OR3A2: variants seen among roughly 807,000 people sequenced by gnomAD.
OR3A2 encodes olfactory receptor family 3 subfamily A member 2, also known as olfactory receptor 3A2.
For synonymous variants in OR3A2, 126 were observed against 159.3 expected (o/e 0.79, Z 1.57); for missense variants, 318 against 392.8 (o/e 0.81, Z 1.61).
At chr17:3,386,249 T>C (rs904580683) in exon 1 of OR3A2, 2 of 398,594 alleles carry the variant, frequency 5.0e-6, no homozygotes, top group East Asian at 3.6e-5. Flanking sequence ...TTCGTGGCTC[T>C]GGGCATCACC....
At chr17:3,332,088 G>A (rs532693641) in intron 3 of OR3A2, among the ~76,000 whole-genome samples, 2 of 152,278 alleles carry the variant, frequency 1.3e-5, no homozygotes, top group Admixed American at 1.3e-4. Flanking sequence ...ATCTCCAGCT[G>A]TGTGCTGGGA....
At position 3,311,696 on chromosome 17, in the gene OR3A2, G is replaced by T; in HGVS notation, c.-85+24337C>A. ...TTACAAATCCGCTCAGCTGAGGGGA[G>T]GAAGAAGGCTTTCTCCACATGTGGC... On this transcript the variant is annotated intron_variant, in intron 3 of 4. Transcript: ENST00000573491. The surrounding 1 kb of genome is among the most constrained non-coding windows in gnomAD (Gnocchi z 4.6). The T allele has an allele frequency of 7.3e-6, 2 of 273,334 alleles. No homozygotes were observed. The highest frequency in any genetic ancestry group is 1.5e-5 in the Non-Finnish European group (2 of 132,596). 16.9% of individuals were successfully genotyped at this position (273,334 alleles called of 1,614,324 possible).
In OR3A2 at chr17:3,278,209, G is replaced by A. The variant is rs1261902679; in HGVS notation, c.709C>T (p.Arg237Ter). The A allele has an allele frequency of 6.2e-6, 10 of 1,614,084 alleles. No homozygotes were observed. The highest frequency in any genetic ancestry group is 1.3e-5 in the African/African-American group (1 of 74,924). The stretch of plus-strand genomic sequence containing the variant: ...CCACACGTGGAGAAGGCCTTCTTTC[G>A]GCCCTCCACTGAACGGATTCGTAGA... The change falls in exon 2 of 2, where the codon CGA (arginine) becomes TGA (stop). Residue 237 changes from arginine to a stop codon, truncating the protein, a stop_gained. Transcript: ENST00000642052. LOFTEE classifies it low-confidence loss of function (END_TRUNC).
At chr17:3,377,603 G>A (rs771758103) in intron 2 of OR3A2, 31 of 152,200 alleles carry the variant, frequency 2.0e-4, no homozygotes, top group African/African-American at 6.3e-4. Flanking sequence ...CGTACAGCAC[G>A]GGGGCTGCTG....
intron 2 of OR3A2, among the ~76,000 whole-genome samples, chr17:3,348,788 C>T (rs1211299786): frequency 1.3e-5 from 2 of 152,074 alleles, no homozygotes; most frequent in Non-Finnish European, 2.9e-5. Context: ...AGAGAAAGGT[C>T]GGGTTACCCA....
chr17:3,326,407 T>G (rs2150638897), intron 3 of OR3A2, among the ~76,000 whole-genome samples: 1 of 152,128 alleles, frequency 6.6e-6, no homozygotes, highest in East Asian at 1.9e-4. Context: ...GCAAAGATTG[T>G]TGCGGGAAGT....
chr17:3,285,623 C>CA (rs1305213684), upstream of OR3A2, among the ~76,000 whole-genome samples: 2 of 152,064 alleles, frequency 1.3e-5, no homozygotes, highest in African/African-American at 4.8e-5. Context: ...CCCATCTCTA[C>CA]AAAAAATAAC....
chr17:3,313,244 T>C (rs2049058571), intron 3 of OR3A2, among the ~76,000 whole-genome samples: 1 of 152,220 alleles, frequency 6.6e-6, no homozygotes, highest in Non-Finnish European at 1.5e-5. Context: ...TTGTCCGACA[T>C]GCTTATTATT....
At chr17:3,345,696 G>T (rs761074013) in intron 2 of OR3A2, among the ~76,000 whole-genome samples, 4 of 151,938 alleles carry the variant, frequency 2.6e-5, no homozygotes, top group African/African-American at 9.7e-5. Flanking sequence ...GATAATAGGA[G>T]ATAAATGAAT....
chr17:3,340,603 T>C lies in OR3A2; in HGVS notation c.-178-4477A>G, dbSNP rs2049308329. On this transcript the variant is annotated intron_variant, in intron 2 of 4. Coordinates refer to the OR3A2 transcript ENST00000573491. ...TTGAGTGAGTTTCTTAATCTTGAAT[T>C]CTAATTTGATTGCACTGTGGTCAGA... 5.5e-5 allele frequency among the ~76,000 whole-genome samples: 8 copies of C among 145,174 alleles called. No individual in the cohort carries two copies. The South Asian group carries it at 1.8e-3, about 33-fold the overall frequency.
At chr17:3,297,874 T>G (rs985778280) in intron 3 of OR3A2, among the ~76,000 whole-genome samples, 7 of 151,906 alleles carry the variant, frequency 4.6e-5, no homozygotes, top group African/African-American at 7.3e-5. Context: ...GATAAAAGAT[T>G]GATACGATTT....
Position 3,278,340 on chromosome 17 carries a change from G to A in OR3A2, c.578C>T (p.Ser193Phe), listed in dbSNP as rs140935076. The A allele has an allele frequency of 4.6e-5, 74 of 1,614,106 alleles. No individual in the cohort carries two copies. Among genetic ancestry groups the A allele is most frequent in the Non-Finnish European group, 6.1e-5 (72 of 1,180,050 alleles). ...CAGCAGCTCATTGAGTTGGGTGCTG[G>A]AGCAGGAGAGCTGGAAGAGCTGTGG... is the stretch of plus-strand genomic sequence containing the variant. Residue 193 changes from serine to phenylalanine, a missense_variant, in exon 2 of 2, where the codon TCC (serine) becomes TTC (phenylalanine). Coordinates refer to ENST00000642052, the Ensembl canonical transcript of OR3A2.
chr17:3,368,051 T>C (rs1269900845), intron 2 of OR3A2, among the ~76,000 whole-genome samples: 1 of 152,200 alleles, frequency 6.6e-6, no homozygotes, highest in African/African-American at 2.4e-5. Flanking sequence ...GAGAATTGTC[T>C]ATTCATGCCC....
At chr17:3,372,692 C>T (rs1363892782) in intron 2 of OR3A2, among the ~76,000 whole-genome samples, 11 of 152,038 alleles carry the variant, frequency 7.2e-5, no homozygotes, top group South Asian at 2.1e-4. Context: ...GGCGTGGCGG[C>T]GCGCGCCTGC....
At chr17:3,373,481 G>A (rs970078536) in intron 2 of OR3A2, among the ~76,000 whole-genome samples, 9 of 151,886 alleles carry the variant, frequency 5.9e-5, no homozygotes, top group East Asian at 5.8e-4. Context: ...TCCAGTGTTC[G>A]GTACATATAT....
At chr17:3,358,804 C>T (rs2049484415) in intron 2 of OR3A2, among the ~76,000 whole-genome samples, 1 of 151,480 alleles carries the variant, frequency 6.6e-6, no homozygotes, top group African/African-American at 2.4e-5. Context: ...TCTATTTGTT[C>T]CAGTGTTGAG....
intron 2 of OR3A2, among the ~76,000 whole-genome samples, chr17:3,367,854 C>T (rs576206550): frequency 2.0e-5 from 3 of 152,010 alleles, no homozygotes; most frequent in Non-Finnish European, 4.4e-5. Flanking sequence ...TACCAGTTTA[C>T]ACTCCCACCA....
intron 3 of OR3A2, among the ~76,000 whole-genome samples, chr17:3,334,012 A>T (rs541273338): frequency 1.3e-5 from 2 of 152,346 alleles, no homozygotes; most frequent in African/African-American, 4.8e-5. Context: ...AAAGCTCAAC[A>T]TCACTGATCA....
rs903855781 is a variant in OR3A2 at position 3,289,755 on chromosome 17, G to A, written c.-84-10602C>T. On this transcript the variant is annotated intron_variant, in intron 3 of 4. Coordinates refer to the OR3A2 transcript ENST00000573491. ...CAACTTATTCAAGGTCAAGCGTGTC[G>A]TGAATGAGAGAAGGGATGAGATGAG... Among the ~76,000 whole-genome samples the A allele has an allele frequency of 9.9e-5, 15 of 152,280 alleles. No individual in the cohort carries two copies. The South Asian group carries it at 1.7e-3, about 17-fold the overall frequency.
Sources: allele counts gnomAD v4.1 joint callset (sites outside exome capture counted in the v4.1 genomes callset), GRCh38; gene constraint gnomAD v4.1.1; non-coding constraint Gnocchi (gnomAD v3.1); transcripts MANE v1.5; gene names NCBI Gene and HGNC (gene_info 2026-07-23, HGNC 2026-07-21).